Variants in CCDC178 observed in about 807,000 individuals in gnomAD.
CCDC178 encodes the protein coiled-coil domain-containing protein 178.
Under a neutral mutation model 117.4 loss-of-function variants are expected in CCDC178, and 126 were observed. The ratio of observed to expected loss-of-function variants is 1.07; its 90% confidence interval spans 0.93 to 1.24. The LOEUF (loss-of-function observed/expected upper bound fraction) is 1.24, where lower values mean the gene tolerates loss of function less well. Ranked by LOEUF, CCDC178 falls within the 50% of genes most tolerant of loss-of-function variation. The probability of loss-of-function intolerance (pLI) is 0.00; values close to 1 mark genes in which losing one functional copy is unlikely to be tolerated. For synonymous variants in CCDC178, 283 were observed against 313.4 expected, an observed-to-expected ratio of 0.90 and a Z score of 1.02; for missense variants, 1,030 against 986.9, an observed-to-expected ratio of 1.04 and a Z score of -0.59.
Position 33,040,810 on chromosome 18 carries a change from G to A in CCDC178, c.2388+51951C>T, listed in dbSNP as rs189855683. On this transcript the variant is annotated intron_variant, in intron 21 of 22. Transcript: ENST00000383096. Reference sequence around the variant, plus strand: ...GAACTCAAAAAATAGCACATGGTAAGCCTTTCCTGAGGACAATGCTGGTGA... The same window carrying A: ...GAACTCAAAAAATAGCACATGGTAAACCTTTCCTGAGGACAATGCTGGTGA... Among the ~76,000 whole-genome samples the A allele has an allele frequency of 5.1e-3, 770 of 152,054 alleles. 6 individuals carry two copies. Among genetic ancestry groups the A allele is most frequent in the Non-Finnish European group, 8.0e-3 (541 of 67,892 alleles).
intron 20 of CCDC178, among the ~76,000 whole-genome samples, chr18:33,115,588 T>A (rs1333286684): frequency 6.6e-6 from 1 of 152,056 alleles, no homozygotes; most frequent in African/African-American, 2.4e-5. Flanking sequence ...AAAGATTGTA[T>A]TTTTCTTCAT....
chr18:33,222,801 C>T (rs532471914), intron 18 of CCDC178, among the ~76,000 whole-genome samples: 1 of 151,868 alleles, frequency 6.6e-6, no homozygotes, highest in East Asian at 1.9e-4. Flanking sequence ...TAAAAGGAGA[C>T]AGCATGGCCA....
chr18:33,366,055 G>C (rs2063201475), intron 6 of CCDC178, among the ~76,000 whole-genome samples: 2 of 152,074 alleles, frequency 1.3e-5, no homozygotes, highest in East Asian at 3.9e-4. Flanking sequence ...GGCGTCCAGA[G>C]TGTTCTGACT....
chr18:33,369,995 C>CT, intron 6 of CCDC178, 55 bp downstream of exon 6: 1 of 1,421,694 alleles, frequency 7.0e-7, no homozygotes, highest in South Asian at 1.5e-5. Flanking sequence ...ATAACCAATC[C>CT]TTAGAGGGTC....
intron 20 of CCDC178, among the ~76,000 whole-genome samples, chr18:33,167,336 C>A (rs143361267): frequency 1.3e-3 from 205 of 152,148 alleles, no homozygotes; most frequent in African/African-American, 4.7e-3. Context: ...TGAGAAATTG[C>A]CAAACTGCTT....
intron 22 of CCDC178, among the ~76,000 whole-genome samples, chr18:32,974,342 G>T (rs551891909): frequency 2.0e-5 from 3 of 152,252 alleles, no homozygotes; most frequent in Non-Finnish European, 4.4e-5. Flanking sequence ...TGAGAAATAA[G>T]TCCAATCTCC....
chr18:33,409,422 G>T (rs2063821947), intron 3 of CCDC178, among the ~76,000 whole-genome samples: 1 of 152,140 alleles, frequency 6.6e-6, no homozygotes, highest in African/African-American at 2.4e-5. Context: ...GTTTCCATAT[G>T]ATTGCAGTAG....
chr18:32,983,008 TAC>T (rs746586753), intron 21 of CCDC178, among the ~76,000 whole-genome samples: 1 of 151,996 alleles, frequency 6.6e-6, no homozygotes, highest in Non-Finnish European at 1.5e-5. Flanking sequence ...GTAACAAATG[TAC>T]CAGCTGGCAT....
At chr18:33,413,225 G>A (rs1305877258) in intron 2 of CCDC178, among the ~76,000 whole-genome samples, 1 of 151,832 alleles carries the variant, frequency 6.6e-6, no homozygotes, top group Non-Finnish European at 1.5e-5. Context: ...TTAATGCAAT[G>A]AAAAAAGACT....
chr18:32,984,390 G>A (rs772492585), intron 21 of CCDC178, among the ~76,000 whole-genome samples: 36 of 151,784 alleles, frequency 2.4e-4, no homozygotes, highest in Non-Finnish European at 4.0e-4. Flanking sequence ...ACTTTATAAT[G>A]ATAATACACA....
intron 15 of CCDC178, among the ~76,000 whole-genome samples, chr18:33,235,427 C>T (rs1436135180): frequency 6.6e-6 from 1 of 152,112 alleles, no homozygotes; most frequent in Non-Finnish European, 1.5e-5. Context: ...CACCTAAAAG[C>T]TTACCTTGGG....
intron 21 of CCDC178, among the ~76,000 whole-genome samples, chr18:33,007,745 G>A (rs889533632): frequency 6.6e-6 from 1 of 152,116 alleles, no homozygotes; most frequent in African/African-American, 2.4e-5. Context: ...CAGTTTACTT[G>A]ATTGGTATGA....
chr18:33,270,509 T>C (rs2059874810), intron 12 of CCDC178, among the ~76,000 whole-genome samples: 1 of 151,552 alleles, frequency 6.6e-6, no homozygotes, highest in Non-Finnish European at 1.5e-5. Flanking sequence ...AAAGTGACAC[T>C]TCACATGTCA....
At chr18:32,939,263 T>A (rs1255969223) in intron 22 of CCDC178, among the ~76,000 whole-genome samples, 1 of 152,102 alleles carries the variant, frequency 6.6e-6, no homozygotes, top group Non-Finnish European at 1.5e-5. Flanking sequence ...AATACTTCTA[T>A]GTTTATTTTT....
At chr18:33,344,773 T>C (rs1423012825) in intron 9 of CCDC178, among the ~76,000 whole-genome samples, 1 of 150,156 alleles carries the variant, frequency 6.7e-6, no homozygotes, top group Admixed American at 6.7e-5. Context: ...GTGTCTTTTC[T>C]GACCCTATGG....
At chr18:33,154,794 C>T (rs1198136133) in intron 20 of CCDC178, among the ~76,000 whole-genome samples, 11 of 152,018 alleles carry the variant, frequency 7.2e-5, no homozygotes, top group Non-Finnish European at 1.2e-4. Flanking sequence ...GGAATATTAT[C>T]AGTGATAAAG....
At chr18:33,380,359 C>T (rs979689170) in intron 5 of CCDC178, among the ~76,000 whole-genome samples, 4 of 152,324 alleles carry the variant, frequency 2.6e-5, no homozygotes, top group African/African-American at 9.6e-5. Flanking sequence ...CTGAGACTAA[C>T]GTGCCTGTGC....
At chr18:33,390,791 T>C (rs1222330953) in intron 4 of CCDC178, among the ~76,000 whole-genome samples, 1 of 151,946 alleles carries the variant, frequency 6.6e-6, no homozygotes. Flanking sequence ...GATGGCACTT[T>C]CTTCCATGTA....
At chr18:33,171,517 CAAG>C (rs1381490791) in intron 20 of CCDC178, among the ~76,000 whole-genome samples, 1 of 152,158 alleles carries the variant, frequency 6.6e-6, no homozygotes, top group Non-Finnish European at 1.5e-5. Context: ...TGATTTAATT[CAAG>C]AAGAGATTTT....
Sources: gnomAD v4.1 joint callset for allele counts (sites outside exome capture counted in the v4.1 genomes callset) on GRCh38, gnomAD v4.1.1 for gene constraint, MANE v1.5 for transcripts, NCBI Gene and HGNC (gene_info 2026-07-23, HGNC 2026-07-21) for gene names.